GRM8: variants seen among roughly 807,000 people sequenced by gnomAD.
The protein encoded by GRM8 is glutamate metabotropic receptor 8.
GRM8 carries 47 observed loss-of-function variants against 87.2 expected under a neutral mutation model. The ratio of observed to expected loss-of-function variants is 0.54; its 90% CI spans 0.43 to 0.69. The LOEUF (loss-of-function observed/expected upper bound fraction) is 0.69. Among genes scored for constraint, GRM8 ranks in the 30% least tolerant of loss-of-function variants. The pLI is 0.00. For missense variants in GRM8, 1,019 were observed against 1,139.2 expected (o/e 0.89, Z 1.52); for synonymous variants, 396 against 404.5 (o/e 0.98, Z 0.25).
At chr7:126,450,050 T>C (rs2150479530) in intron 9 of GRM8, among the ~76,000 whole-genome samples, 1 of 151,928 alleles carries the variant, frequency 6.6e-6, no homozygotes, top group South Asian at 2.1e-4. Context: ...CATACTAATA[T>C]GAAATCTTTT....
intron 9 of GRM8, among the ~76,000 whole-genome samples, chr7:126,528,260 G>A (rs1426242716): frequency 6.6e-6 from 1 of 152,084 alleles, no homozygotes; most frequent in Non-Finnish European, 1.5e-5. Context: ...CTTTCAGTTG[G>A]GGGTCTGCTC....
intron 7 of GRM8, among the ~76,000 whole-genome samples, chr7:126,769,338 T>C (rs75233524): frequency 0.013 from 2,022 of 152,164 alleles, 47 homozygotes; most frequent in African/African-American, 0.045. Flanking sequence ...CCTGCCTACA[T>C]TGTGTGCATC....
intron 6 of GRM8, among the ~76,000 whole-genome samples, chr7:126,790,660 C>T (rs1350826504): frequency 1.3e-5 from 2 of 152,084 alleles, no homozygotes; most frequent in Non-Finnish European, 2.9e-5. Context: ...CGTGCCAAGG[C>T]AGTCAGAGGG....
At chr7:127,119,196 C>T (rs183382323) in intron 2 of GRM8, among the ~76,000 whole-genome samples, 1 of 152,002 alleles carries the variant, frequency 6.6e-6, no homozygotes, top group Non-Finnish European at 1.5e-5. Flanking sequence ...GAGGCAAGAA[C>T]CAAGAAATGG....
chr7:127,014,516 T>G (rs1345553435), intron 3 of GRM8, among the ~76,000 whole-genome samples: 3 of 152,210 alleles, frequency 2.0e-5, no homozygotes, highest in African/African-American at 4.8e-5. Context: ...TAACTTAAAC[T>G]CTCAGTGCCT....
chr7:126,546,281 A>G (rs1204537781), intron 8 of GRM8, among the ~76,000 whole-genome samples: 2 of 152,200 alleles, frequency 1.3e-5, no homozygotes, highest in African/African-American at 4.8e-5. Flanking sequence ...GCATCACATC[A>G]CACAGCTATT....
intron 6 of GRM8, among the ~76,000 whole-genome samples, chr7:126,828,895 T>C (rs554535524): frequency 7.0e-4 from 106 of 152,332 alleles, no homozygotes; most frequent in African/African-American, 2.0e-3. Context: ...GATTCTGGTA[T>C]GTTGTGTCTT....
At chr7:126,884,199 C>G (rs1800275913) in intron 6 of GRM8, among the ~76,000 whole-genome samples, 1 of 152,046 alleles carries the variant, frequency 6.6e-6, no homozygotes, top group African/African-American at 2.4e-5. Context: ...TTCAAAGTAA[C>G]TGAGCTATAG....
intron 3 of GRM8, among the ~76,000 whole-genome samples, chr7:126,956,106 A>C (rs1270634954): frequency 6.6e-6 from 1 of 152,220 alleles, no homozygotes; most frequent in East Asian, 1.9e-4. Context: ...ACTACCTAAA[A>C]TATAAACAGC....
chr7:127,110,083 C>G (rs1826208284), intron 2 of GRM8, among the ~76,000 whole-genome samples: 1 of 152,162 alleles, frequency 6.6e-6, no homozygotes, highest in South Asian at 2.1e-4. Context: ...AACCCCTCAC[C>G]CACAGCTAAA....
intron 3 of GRM8, among the ~76,000 whole-genome samples, chr7:127,039,036 C>A (rs1818106353): frequency 6.6e-6 from 1 of 152,204 alleles, no homozygotes; most frequent in African/African-American, 2.4e-5. Flanking sequence ...GCACTGCAAT[C>A]TGAAATCAGA....
At chr7:126,826,721 T>C (rs1357437586) in intron 6 of GRM8, among the ~76,000 whole-genome samples, 1 of 152,184 alleles carries the variant, frequency 6.6e-6, no homozygotes, top group Non-Finnish European at 1.5e-5. Context: ...TTTAGTTTAA[T>C]TAGATCTCAT....
At chr7:126,849,886 T>C (rs1797051822) in intron 6 of GRM8, among the ~76,000 whole-genome samples, 1 of 152,112 alleles carries the variant, frequency 6.6e-6, no homozygotes, top group African/African-American at 2.4e-5. Flanking sequence ...GCCCCAACAG[T>C]ACTTTCTCTC....
At chr7:126,490,539 A>G (rs1247046725) in intron 9 of GRM8, among the ~76,000 whole-genome samples, 1 of 152,070 alleles carries the variant, frequency 6.6e-6, no homozygotes, top group East Asian at 1.9e-4. Flanking sequence ...AACAAGAACT[A>G]TGCCAATGGA....
At position 127,243,363 on chromosome 7, in the gene GRM8, G is replaced by A; in HGVS notation, c.-159C>T. On this transcript the variant is annotated 5_prime_UTR_variant, in exon 2 of 11. Coordinates refer to ENST00000339582, the MANE Select transcript of GRM8 (RefSeq NM_000845.3). ...AAGTTTTCTTGATTTGAATGTCACA[G>A]TGAATTTCCATCAGACCCCTAAGGT... is the stretch of plus-strand genomic sequence containing the variant. 1 of 629,632 alleles carries A rather than the reference G, an allele frequency of 1.6e-6. No homozygotes were observed. The highest frequency in any genetic ancestry group is 2.7e-5 in the East Asian group (1 of 36,432). 39.0% of individuals were successfully genotyped at this position (629,632 alleles called of 1,614,324 possible).
At chr7:126,506,266 C>T (rs933479328) in intron 9 of GRM8, among the ~76,000 whole-genome samples, 1 of 151,602 alleles carries the variant, frequency 6.6e-6, no homozygotes, top group South Asian at 2.1e-4. Context: ...TATCTACACA[C>T]ACACACATAT....
At chr7:126,716,025 G>C (rs1811697991) in intron 7 of GRM8, among the ~76,000 whole-genome samples, 1 of 152,008 alleles carries the variant, frequency 6.6e-6, no homozygotes, top group Admixed American at 6.6e-5. Context: ...ACCTAAAATA[G>C]ATTTTATATC....
chr7:126,651,918 T>A (rs1462383356), intron 7 of GRM8, among the ~76,000 whole-genome samples: 2 of 152,160 alleles, frequency 1.3e-5, no homozygotes, highest in East Asian at 3.9e-4. Flanking sequence ...CCTTCAGGAA[T>A]GAAGGTTTGG....
chr7:127,090,827 T>C (rs1455464833), intron 3 of GRM8: 1 of 152,194 alleles, frequency 6.6e-6, no homozygotes, highest in Non-Finnish European at 1.5e-5. Context: ...ACAGAACAAT[T>C]TTTATGTGGA....
Sources: allele counts gnomAD v4.1 joint callset (sites outside exome capture counted in the v4.1 genomes callset), GRCh38; gene constraint gnomAD v4.1.1; transcripts MANE v1.5; gene names NCBI Gene and HGNC (gene_info 2026-07-23, HGNC 2026-07-21).